The following GDA variants were observed in gnomAD, a reference collection of about 807,000 sequenced individuals.
GDA encodes the protein cytoplasmic PSD-95 interactor.
In GDA, 18 loss-of-function variants were observed where a neutral mutation model predicts 59.6. That is an observed-to-expected ratio of 0.30 (90% confidence interval 0.21 to 0.45). The LOEUF is 0.45. Among genes scored for constraint, GDA ranks in the 20% least tolerant of loss-of-function variants. The probability of loss-of-function intolerance (pLI) is 1.00; values close to 1 mark genes in which losing one functional copy is unlikely to be tolerated. For synonymous variants in GDA, 201 were observed against 201.1 expected (o/e 1.00, Z 0.00); for missense variants, 427 against 552.3 (o/e 0.77, Z 2.27).
intron 3 of GDA, 108 bp downstream of exon 3, chr9:72,202,850 G>T: frequency 2.5e-6 from 2 of 807,736 alleles, no homozygotes; most frequent in Non-Finnish European, 3.9e-6. Context: ...GCCTAAGATG[G>T]GCCATAGAGA....
chr9:72,253,292 A>G (rs1172939338), downstream of GDA: 1 of 152,154 alleles, frequency 6.6e-6, no homozygotes, highest in Non-Finnish European at 1.5e-5. Context: ...GATAAGGAGG[A>G]ACTGGCCAGA....
intron 1 of GDA, among the ~76,000 whole-genome samples, chr9:72,179,115 AAT>A (rs1307950411): frequency 3.9e-5 from 6 of 152,218 alleles, no homozygotes; most frequent in Non-Finnish European, 5.9e-5. Context: ...TTTAAGTAGG[AAT>A]ATATAGCAGC....
chr9:72,147,183 G>C (rs1826670334), upstream of GDA, among the ~76,000 whole-genome samples: 1 of 152,028 alleles, frequency 6.6e-6, no homozygotes, highest in Non-Finnish European at 1.5e-5. Context: ...TTTCATCGTA[G>C]CATAGAAGCT....
chr9:72,157,786 C>T (rs139127463), intron 1 of GDA, among the ~76,000 whole-genome samples: 5 of 152,312 alleles, frequency 3.3e-5, no homozygotes, highest in African/African-American at 9.6e-5. Flanking sequence ...CTAGGCATGA[C>T]ATTATTTGGC....
At position 72,179,542 on chromosome 9, in the gene GDA, G is replaced by C. The variant is rs146289618; in HGVS notation, c.124-15958G>C. On this transcript the variant is annotated intron_variant, in intron 1 of 13. Coordinates refer to ENST00000358399, the MANE Select transcript of GDA (RefSeq NM_004293.5). ...CATTTCAAACTATCTCAGATGAAGTGACTACAGGCAAGAAAAAGGGAGTTT... is the reference window on the plus strand; with the variant it reads ...CATTTCAAACTATCTCAGATGAAGTCACTACAGGCAAGAAAAAGGGAGTTT... Among the ~76,000 whole-genome samples, 42 of 152,258 alleles carry C rather than the reference G, an allele frequency of 2.8e-4. No individual in the cohort carries two copies. In the East Asian group the frequency reaches 7.3e-3, roughly 27 times the overall value.
At chr9:72,165,934 C>T (rs1030423950) in intron 1 of GDA, among the ~76,000 whole-genome samples, 1 of 151,792 alleles carries the variant, frequency 6.6e-6, no homozygotes, top group African/African-American at 2.4e-5. Context: ...CGGCTTGTTC[C>T]TAGTTAAGCA....
At chr9:72,167,179 T>C (rs549085134) in intron 1 of GDA, among the ~76,000 whole-genome samples, 1 of 152,310 alleles carries the variant, frequency 6.6e-6, no homozygotes, top group East Asian at 1.9e-4. Context: ...ATCAAAGAAC[T>C]GAAACTAACC....
chr9:72,190,914 AGTT>A (rs1832464678), intron 1 of GDA, among the ~76,000 whole-genome samples: 1 of 152,132 alleles, frequency 6.6e-6, no homozygotes. Context: ...AATGATTGTT[AGTT>A]GTTGGTAGAA....
upstream of GDA, among the ~76,000 whole-genome samples, chr9:72,147,700 C>T (rs1005528721): frequency 6.6e-6 from 1 of 151,590 alleles, no homozygotes; most frequent in Non-Finnish European, 1.5e-5. Flanking sequence ...GAAAGTAATA[C>T]ATCTGTTGGA....
intron 1 of GDA, among the ~76,000 whole-genome samples, chr9:72,184,335 T>C (rs527263347): frequency 1.3e-5 from 2 of 152,316 alleles, no homozygotes; most frequent in African/African-American, 4.8e-5. Flanking sequence ...GTTTTCACTG[T>C]CCTAAAATTC....
chr9:72,184,419 C>T (rs1457748194), intron 1 of GDA, among the ~76,000 whole-genome samples: 1 of 152,144 alleles, frequency 6.6e-6, no homozygotes. Flanking sequence ...CCATAGTTTG[C>T]CTTTTCCAGA....
upstream of GDA, among the ~76,000 whole-genome samples, chr9:72,148,510 A>G (rs7021424): frequency 0.16 from 24,146 of 152,158 alleles, 1,970 homozygotes; most frequent in Middle Eastern, 0.2. Flanking sequence ...GAAGAGCCTG[A>G]CATTTGAGAC....
rs966815084 is a variant in GDA at position 72,250,409 on chromosome 9, A to G, written c.*2067A>G. ...TCAGAAGCAGTAGGAATGGCCGTAT[A>G]CAACCATCCTGTTAAACATTTAAAT... On this transcript the variant is annotated 3_prime_UTR_variant, in exon 14 of 14. Transcript: ENST00000358399. 3 of 1,174,632 alleles carry G rather than the reference A, an allele frequency of 2.6e-6. No homozygotes were observed. Among genetic ancestry groups the G allele is most frequent in the Non-Finnish European group, 3.2e-6 (3 of 944,330 alleles). The allele number at this position is 1,174,632 out of a possible 1,614,324, so 72.8% of individuals were successfully genotyped here.
chr9:72,175,874 A>G (rs1171065816), intron 1 of GDA, among the ~76,000 whole-genome samples: 2 of 152,250 alleles, frequency 1.3e-5, no homozygotes, highest in African/African-American at 2.4e-5. Flanking sequence ...ACAAATAACC[A>G]AAAAGCTGTG....
chr9:72,209,130 G>A (rs185052267), intron 3 of GDA, among the ~76,000 whole-genome samples: 1 of 148,914 alleles, frequency 6.7e-6, no homozygotes, highest in African/African-American at 2.5e-5. Flanking sequence ...CATCTTTTCT[G>A]TACTTACGAA....
intron 1 of GDA, among the ~76,000 whole-genome samples, chr9:72,178,575 G>A (rs766453358): frequency 1.4e-4 from 22 of 152,040 alleles, no homozygotes; most frequent in African/African-American, 2.9e-4. Context: ...GTATCACCAC[G>A]CCTAGCTAAT....
intron 1 of GDA, among the ~76,000 whole-genome samples, chr9:72,129,386 T>C (rs557689411): frequency 6.6e-6 from 1 of 152,226 alleles, no homozygotes; most frequent in Non-Finnish European, 1.5e-5. Context: ...GCTTCACTCC[T>C]CTTGGCATGT....
intron 1 of GDA, among the ~76,000 whole-genome samples, chr9:72,153,825 A>T: frequency 1.3e-5 from 1 of 74,360 alleles, no homozygotes; most frequent in Non-Finnish European, 2.5e-5. Flanking sequence ...GGGTGGGGGG[A>T]GGGGGGAGGG....
At chr9:72,135,636 T>G (rs564578966) in intron 1 of GDA, among the ~76,000 whole-genome samples, 5 of 152,016 alleles carry the variant, frequency 3.3e-5, no homozygotes, top group African/African-American at 4.8e-5. Context: ...TCTTGTGACT[T>G]TAAGAATAGT....
Sources: allele counts gnomAD v4.1 joint callset (sites outside exome capture counted in the v4.1 genomes callset), GRCh38; gene constraint gnomAD v4.1.1; transcripts MANE v1.5; gene names NCBI Gene and HGNC (gene_info 2026-07-23, HGNC 2026-07-21).